NEB: variants seen among roughly 807,000 people sequenced by gnomAD.
The protein encoded by NEB is nebulin, also known as nemaline myopathy type 2.
NEB carries 512 observed loss-of-function variants against 952.2 expected under a neutral mutation model. That is an observed-to-expected ratio of 0.54 (90% CI 0.50 to 0.58). The LOEUF is 0.58. NEB is among the 20% of genes least tolerant of loss of function. NEB has a pLI of 0.00. For synonymous variants in NEB, 2,900 were observed against 3,149.8 expected, an observed-to-expected ratio of 0.92 and a Z score of 2.66; for missense variants, 8,428 against 9,231.1, an observed-to-expected ratio of 0.91 and a Z score of 3.56.
rs1011544887 is a variant in NEB, at chr2:151,620,102, T to A, written c.10561-340A>T. ...TTTAAGAACACACCTGGGGCGTATGTTTACATGGATCATTAAAATTTTCTA... is the reference window on the plus strand; with the variant it reads ...TTTAAGAACACACCTGGGGCGTATGATTACATGGATCATTAAAATTTTCTA... On this transcript the variant is annotated intron_variant, in intron 72 of 181. Coordinates refer to ENST00000397345, the MANE Select transcript of NEB (RefSeq NM_001164508.2). 4.6e-5 allele frequency among the ~76,000 whole-genome samples: 7 copies of A among 152,048 alleles called. No individual in the cohort carries two copies. In the East Asian group the frequency reaches 1.3e-3, roughly 29 times the overall value.
intron 20 of NEB, 93 bp downstream of exon 20, chr2:151,694,230 G>T (rs2099579375): frequency 3.7e-6 from 4 of 1,070,992 alleles, no homozygotes; most frequent in African/African-American, 1.6e-5. Flanking sequence ...TTGAATCCAA[G>T]ATTTCAGTTA....
At position 151,563,700 on chromosome 2, in the gene NEB, T is replaced by C. The variant is rs762845449; in HGVS notation, c.18599A>G (p.Tyr6200Cys). Residue 6200 changes from tyrosine (Y) to cysteine (C), a missense_variant, in exon 119 of 182, where the codon TAT becomes TGT. Coordinates refer to ENST00000397345, the MANE Select transcript of NEB (RefSeq NM_001164508.2). ...VNSELKYKET[Y>C]EKQKGHYLAG... is the part of the protein sequence containing the mutation. ...CAGGTAGTGACCTTTCTGCTTCTCA[T>C]ATGTCTCTTTGTATTTAAGCTGTAA... The C allele has an allele frequency of 1.2e-5, 20 of 1,613,634 alleles. No homozygotes were observed. Among genetic ancestry groups the C allele is most frequent in the Non-Finnish European group, 8.5e-6 (10 of 1,179,668 alleles).
chr2:151,514,637 A>G (rs1361945797), intron 158 of NEB, among the ~76,000 whole-genome samples, 181 bp downstream of exon 158: 1 of 152,216 alleles, frequency 6.6e-6, no homozygotes, highest in Non-Finnish European at 1.5e-5. Flanking sequence ...GGTAATATTC[A>G]AATAAAAAAT....
intron 58 of NEB, 110 bp downstream of exon 58, chr2:151,643,040 T>C: frequency 7.8e-7 from 1 of 1,277,894 alleles, no homozygotes; most frequent in Non-Finnish European, 1.1e-6. Context: ...TAAAACCACA[T>C]TAGTACCAAG....
At chr2:151,610,680 C>T in intron 79 of NEB, 57 bp from the exon 80 acceptor site, 1 of 1,573,922 alleles carries the variant, frequency 6.4e-7, no homozygotes, top group Admixed American at 1.7e-5. Flanking sequence ...GGTAATAGGC[C>T]AATTCCAGAA....
At chr2:151,667,656 T>C (rs1470488684) in intron 40 of NEB, 148 bp downstream of exon 40, 3 of 508,890 alleles carry the variant, frequency 5.9e-6, no homozygotes, top group African/African-American at 3.9e-5. Context: ...GCCTCTCAAA[T>C]AGTTGGAACT....
At chr2:151,722,186 A>C (rs1169957950) in intron 9 of NEB, among the ~76,000 whole-genome samples, 1 of 152,200 alleles carries the variant, frequency 6.6e-6, no homozygotes, top group Non-Finnish European at 1.5e-5. Flanking sequence ...ATTGAATGTC[A>C]AATAACTTGT....
At chr2:151,648,685 G>A (rs956579647) in intron 54 of NEB, among the ~76,000 whole-genome samples, 5 of 152,222 alleles carry the variant, frequency 3.3e-5, no homozygotes, top group Non-Finnish European at 5.9e-5. Context: ...CTAGATGCCA[G>A]TAGCATGCCA....
At chr2:151,726,592 T>C (rs1260343460) in intron 5 of NEB, among the ~76,000 whole-genome samples, 2 of 152,128 alleles carry the variant, frequency 1.3e-5, no homozygotes, top group African/African-American at 4.8e-5. Flanking sequence ...ATTAGACCCA[T>C]TGAAATGTGT....
intron 127 of NEB, among the ~76,000 whole-genome samples, chr2:151,553,106 T>C (rs1414465635): frequency 6.6e-6 from 1 of 152,182 alleles, no homozygotes; most frequent in Non-Finnish European, 1.5e-5. Flanking sequence ...AATCACACTT[T>C]CCTAAAATGA....
At chr2:151,566,822 C>T (rs2096421888) in intron 114 of NEB, among the ~76,000 whole-genome samples, 1 of 152,172 alleles carries the variant, frequency 6.6e-6, no homozygotes, top group Non-Finnish European at 1.5e-5. Flanking sequence ...TTGTCAAAAC[C>T]TCAACTCATT....
At chr2:151,572,246 C>T (rs774258166) in intron 107 of NEB, among the ~76,000 whole-genome samples, 5 of 151,906 alleles carry the variant, frequency 3.3e-5, no homozygotes, top group African/African-American at 4.8e-5. Flanking sequence ...CGCTTGAACC[C>T]GGGAGGCAGA....
Position 151,695,583 on chromosome 2 carries a change from T to G in NEB, c.1669A>C (p.Ser557Arg). ...IQHKVNAYNL[S>R]DNLYKQDWEK... ...ACAGGGCATAAGGAACTTACATCACTCAAGTTATAGGCATTGACTTTGTGC... is the reference window on the plus strand; with the variant it reads ...ACAGGGCATAAGGAACTTACATCACGCAAGTTATAGGCATTGACTTTGTGC... The change falls in exon 18 of 182, where the codon AGT (serine) becomes CGT (arginine). Residue 557 changes from serine (S) to arginine (R), a missense_variant. Transcript: ENST00000397345. 1 of 1,612,442 alleles carries G rather than the reference T, an allele frequency of 6.2e-7. No homozygotes were observed. Among genetic ancestry groups the G allele is most frequent in the Non-Finnish European group, 8.5e-7 (1 of 1,178,542 alleles).
intron 52 of NEB, among the ~76,000 whole-genome samples, chr2:151,652,615 T>C (rs1417515238): frequency 6.6e-6 from 1 of 152,190 alleles, no homozygotes; most frequent in Non-Finnish European, 1.5e-5. Context: ...AAATGTCCTT[T>C]ATGTTATCTT....
At position 151,691,875 on chromosome 2, in the gene NEB, G is replaced by A. The variant is rs780299519; in HGVS notation, c.2200C>T (p.Gln734Ter). ...GGCAGCTAACTTACATCTTTACACT[G>A]GTCCAGCTTCTTGATTGCTTCATAT... is the stretch of plus-strand genomic sequence containing the variant. ...QEYEAIKKLD[Q>*]CKDHTYKVHP... Residue 734 changes from glutamine to a stop codon, truncating the protein, a stop_gained, in exon 23 of 182, where the codon CAG becomes TAG. Transcript: ENST00000397345. LOFTEE classifies it high-confidence loss of function. The A allele has an allele frequency of 6.3e-7, 1 of 1,594,316 alleles. No individual in the cohort carries two copies. Among genetic ancestry groups the A allele is most frequent in the Non-Finnish European group, 8.6e-7 (1 of 1,168,200 alleles).
At chr2:151,634,837 T>G (rs1432476635) in intron 64 of NEB, among the ~76,000 whole-genome samples, 1 of 152,206 alleles carries the variant, frequency 6.6e-6, no homozygotes, top group Non-Finnish European at 1.5e-5. Context: ...GCAACCCAAC[T>G]GGTTAGATTA....
chr2:151,644,417 T>G (rs2098927946), intron 56 of NEB, 51 bp downstream of exon 56: 1 of 1,496,138 alleles, frequency 6.7e-7, no homozygotes, highest in African/African-American at 1.4e-5. Flanking sequence ...GAGACTGCTT[T>G]GAAGTGATAA....
intron 54 of NEB, among the ~76,000 whole-genome samples, chr2:151,648,908 C>T (rs1316646552): frequency 6.6e-6 from 1 of 152,054 alleles, no homozygotes; most frequent in African/African-American, 2.4e-5. Context: ...GCTCAAGGAC[C>T]CCAGCTGGCC....
rs531949723 is a variant in NEB, at chr2:151,576,235, C to T, written c.16824G>A (p.Thr5608=). The T allele has an allele frequency of 1.9e-6, 3 of 1,611,314 alleles. No homozygotes were observed. The highest frequency in any genetic ancestry group is 2.2e-5 in the South Asian group (2 of 90,896). Residue 5608 remains threonine, a synonymous_variant, in exon 106 of 182, where the codon ACG becomes ACA. Coordinates refer to ENST00000397345, the MANE Select transcript of NEB (RefSeq NM_001164508.2). ...QNIFCDSVYR[T]PVVNLKYTSI... ...TTGTGTACTTAAGGTTCACCACAGG[C>T]GTCCGATAGACACTGTCACAAAAGA...
Sources: gnomAD v4.1 joint callset for allele counts (sites outside exome capture counted in the v4.1 genomes callset) on GRCh38, gnomAD v4.1.1 for gene constraint, MANE v1.5 for transcripts, NCBI Gene and HGNC (gene_info 2026-07-23, HGNC 2026-07-21) for gene names.